The following YWHAZ variants were observed in gnomAD, a reference collection of about 807,000 sequenced individuals.
YWHAZ encodes the protein 14-3-3 protein zeta/delta.
For synonymous variants in YWHAZ, 87 were observed against 103.6 expected (o/e 0.84, Z 0.97); for missense variants, 79 against 284.8 (o/e 0.28, Z 5.20).
chr8:100,937,759 G>A (rs1425681022), intron 2 of YWHAZ, among the ~76,000 whole-genome samples: 5 of 152,190 alleles, frequency 3.3e-5, no homozygotes, highest in African/African-American at 1.2e-4. Context: ...GAAGTTAAAA[G>A]GTTGAGGTAG....
chr8:100,927,117 T>G (rs1259161179), intron 2 of YWHAZ, among the ~76,000 whole-genome samples: 2 of 152,174 alleles, frequency 1.3e-5, no homozygotes, highest in Non-Finnish European at 2.9e-5. Context: ...AAAATTTTAT[T>G]TCTATTATCA....
At chr8:100,950,807 GA>G (rs1461741817) in intron 1 of YWHAZ, 13 of 170,484 alleles carry the variant, frequency 7.6e-5, no homozygotes, top group Admixed American at 1.3e-4. Flanking sequence ...CAGCGCCGGT[GA>G]CCGTGTACAG....
chr8:100,943,175 G>C (rs1809997287), intron 2 of YWHAZ, among the ~76,000 whole-genome samples: 1 of 152,184 alleles, frequency 6.6e-6, no homozygotes, highest in African/African-American at 2.4e-5. Flanking sequence ...AAGGAATGCT[G>C]GCTTTGAGTA....
intron 1 of YWHAZ, chr8:100,950,663 G>GGT (rs1554618242): frequency 1.1e-6 from 1 of 910,004 alleles, no homozygotes. Context: ...GCCGTGGGGG[G>GGT]GGGGGAGAGA....
At chr8:100,950,345 G>C in intron 1 of YWHAZ, 1 of 982,052 alleles carries the variant, frequency 1.0e-6, no homozygotes, top group Non-Finnish European at 1.2e-6. Flanking sequence ...ACAGTAACGA[G>C]TGCTCCAAGG....
rs1405974183 is a variant in YWHAZ at position 100,924,495 on chromosome 8, G to C, written c.419-197C>G. 6.6e-6 allele frequency among the ~76,000 whole-genome samples: 1 copy of C among 151,382 alleles called. No homozygotes were observed. Among genetic ancestry groups the C allele is most frequent in the Non-Finnish European group, 1.5e-5 (1 of 67,908 alleles). On this transcript the variant is annotated intron_variant, in intron 3 of 5. Coordinates refer to ENST00000395958, the MANE Select transcript of YWHAZ (RefSeq NM_145690.3). This position sits in a 1 kb window ranked among gnomAD's most constrained non-coding sequence, Gnocchi z 5.7. ...CACACTAGCCATTGATCAATGTCAA[G>C]ATAAAACAACTTTATAATCTCATTA... is the stretch of plus-strand genomic sequence containing the variant.
Position 100,918,406 on chromosome 8 carries a change from C to CTTTA in YWHAZ, c.*2283_*2286dup, listed in dbSNP as rs1554611349. On this transcript the variant is annotated 3_prime_UTR_variant, in exon 6 of 6. Transcript: ENST00000395958. ...TCAGTCTAGCTATAAAATATAATTA[C>CTTTA]TTTATATATATATATATATATATAT... is the stretch of plus-strand genomic sequence containing the variant. 1.5e-4 allele frequency: 3 copies of CTTTA among 19,616 alleles called. No individual in the cohort carries two copies. Among genetic ancestry groups the CTTTA allele is most frequent in the Admixed American group, 1.8e-3 (2 of 1,090 alleles). The allele number at this position is 19,616 out of a possible 1,614,324, so 1.2% of individuals were successfully genotyped here. A position where few individuals can be genotyped will look rare whatever the true frequency, so the allele number is the denominator to read the frequency against.
chr8:100,950,586 A>G (rs1250617646), intron 1 of YWHAZ: 1 of 984,798 alleles, frequency 1.0e-6, no homozygotes, highest in Admixed American at 6.2e-5. Flanking sequence ...AGCCCAACCT[A>G]CTGCAGAGTG....
rs1383285904 is a variant in YWHAZ, at chr8:100,918,574, G to A, written c.*2119C>T. 6.6e-6 allele frequency: 1 copy of A among 151,014 alleles called. No homozygotes were observed. The highest frequency in any genetic ancestry group is 1.5e-5 in the Non-Finnish European group (1 of 67,814). The allele number at this position is 151,014 out of a possible 1,614,324, so 9.4% of individuals were successfully genotyped here. ...TTTCTCCTGGAAATAAAGACCCCAA[G>A]GTCTCCATTGCACTTTTATTTGAAT... On this transcript the variant is annotated 3_prime_UTR_variant, in exon 6 of 6. Coordinates refer to ENST00000395958, the MANE Select transcript of YWHAZ (RefSeq NM_145690.3).
chr8:100,953,228 C>T (rs1230953878), upstream of YWHAZ: 3 of 985,286 alleles, frequency 3.0e-6, no homozygotes, highest in Non-Finnish European at 3.6e-6. Flanking sequence ...CCAAATAAAG[C>T]TTTCACGTGA....
At chr8:100,942,701 A>T (rs899130281) in intron 2 of YWHAZ, among the ~76,000 whole-genome samples, 2 of 152,238 alleles carry the variant, frequency 1.3e-5, no homozygotes, top group African/African-American at 2.4e-5. Context: ...AGTTTGTATC[A>T]GGGATAGTGA....
At chr8:100,926,218 T>TTTTTA (rs1813351690) in intron 2 of YWHAZ, among the ~76,000 whole-genome samples, 1 of 138,150 alleles carries the variant, frequency 7.2e-6, no homozygotes, top group Non-Finnish European at 1.6e-5. Flanking sequence ...TTTTTTTTTT[T>TTTTTA]ACAACTCAAG....
intron 1 of YWHAZ, among the ~76,000 whole-genome samples, chr8:100,950,234 C>T (rs914094143): frequency 2.0e-5 from 3 of 152,200 alleles, no homozygotes; most frequent in Admixed American, 1.3e-4. Flanking sequence ...CAGAAACGCT[C>T]TCTGGTTATT....
rs1812799170 is a variant in YWHAZ at position 100,918,408 on chromosome 8, T to TTACATATATATATATATATATA, written c.*2284_*2285insTATATATATATATATATATGTA. 2.4e-5 allele frequency: 1 copy of TTACATATATATATATATATATA among 41,882 alleles called. No homozygotes were observed. Among genetic ancestry groups the TTACATATATATATATATATATA allele is most frequent in the Non-Finnish European group, 4.8e-5 (1 of 20,796 alleles). 2.6% of individuals were successfully genotyped at this position (41,882 alleles called of 1,614,324 possible). On this transcript the variant is annotated 3_prime_UTR_variant, in exon 6 of 6. Coordinates refer to ENST00000395958, the MANE Select transcript of YWHAZ (RefSeq NM_145690.3). ...AGTCTAGCTATAAAATATAATTACT[T>TTACATATATATATATATATATA]TATATATATATATATATATATATAT...
intron 5 of YWHAZ, 45 bp from the exon 6 acceptor site, chr8:100,920,797 G>T (rs769574738): frequency 8.4e-5 from 71 of 841,348 alleles, no homozygotes; most frequent in Non-Finnish European, 8.9e-5. Context: ...CAGTGGGATG[G>T]GGGGGGGGGG....
chr8:100,950,669 AG>A lies in YWHAZ; in HGVS notation c.-12+1259del, dbSNP rs1281107430. The A allele has an allele frequency of 3.6e-4, 296 of 832,034 alleles. 7 individuals are homozygous for A. Among genetic ancestry groups the A allele is most frequent in the East Asian group, 9.3e-4 (7 of 7,548 alleles). 51.5% of individuals were successfully genotyped at this position (832,034 alleles called of 1,614,324 possible). A position where few individuals can be genotyped will look rare whatever the true frequency, so the allele number is the denominator to read the frequency against. ...CCCGCCCAAGCCGTGGGGGGGGGGGAGAGATGGGGAGCGAAGCCGCCCGACC... is the reference window on the plus strand; with the variant it reads ...CCCGCCCAAGCCGTGGGGGGGGGGGAAGATGGGGAGCGAAGCCGCCCGACC... On this transcript the variant is annotated intron_variant, in intron 1 of 5. Transcript: ENST00000395958.
At chr8:100,939,468 T>C (rs1419776392) in intron 2 of YWHAZ, among the ~76,000 whole-genome samples, 2 of 151,134 alleles carry the variant, frequency 1.3e-5, no homozygotes, top group African/African-American at 4.9e-5. Context: ...AAGACCAGCC[T>C]TACCAACATG....
Position 100,924,769 on chromosome 8 carries a change from A to T in YWHAZ, c.418+147T>A. Reference sequence around the variant, plus strand: ...TTAGAATAGCAGTATGAGGCAGTAGATGTGTATTCTCAGAACACAAAGAGC... The same window carrying T: ...TTAGAATAGCAGTATGAGGCAGTAGTTGTGTATTCTCAGAACACAAAGAGC... On this transcript the variant is annotated intron_variant, in intron 3 of 5. Coordinates refer to ENST00000395958, the MANE Select transcript of YWHAZ (RefSeq NM_145690.3). This position sits in a 1 kb window ranked among gnomAD's most constrained non-coding sequence, Gnocchi z 5.7. 6 of 909,856 alleles carry T rather than the reference A, an allele frequency of 6.6e-6. No individual in the cohort carries two copies. Among genetic ancestry groups the T allele is most frequent in the Non-Finnish European group, 9.9e-6 (6 of 608,216 alleles). 56.4% of individuals were successfully genotyped at this position (909,856 alleles called of 1,614,324 possible). A position where few individuals can be genotyped will look rare whatever the true frequency, so the allele number is the denominator to read the frequency against.
At chr8:100,934,846 A>T (rs1461353810) in intron 2 of YWHAZ, 1 of 152,214 alleles carries the variant, frequency 6.6e-6, no homozygotes, top group Non-Finnish European at 1.5e-5. Context: ...CAAAGGACTA[A>T]CAGAGATTAC....
Sources: gnomAD v4.1 joint callset for allele counts (sites outside exome capture counted in the v4.1 genomes callset) on GRCh38, gnomAD v4.1.1 for gene constraint, Gnocchi (gnomAD v3.1) non-coding constraint, MANE v1.5 for transcripts, NCBI Gene and HGNC (gene_info 2026-07-23, HGNC 2026-07-21) for gene names.